Variants in ZBTB7C observed in about 807,000 individuals in gnomAD.
ZBTB7C encodes the protein zinc finger and BTB domain-containing protein 7C.
A neutral mutation model predicts 25.7 loss-of-function variants in ZBTB7C; 8 were observed. The ratio of observed to expected loss-of-function variants is 0.31; its 90% CI spans 0.18 to 0.56. The LOEUF is 0.56. ZBTB7C is among the 20% of genes least tolerant of loss of function. The pLI is 0.91. For synonymous variants in ZBTB7C, 394 were observed against 369.0 expected, an observed-to-expected ratio of 1.07 and a Z score of -0.78; for missense variants, 824 against 855.2, an observed-to-expected ratio of 0.96 and a Z score of 0.46.
At chr18:48,272,266 G>C (rs2044516448) in intron 2 of ZBTB7C, among the ~76,000 whole-genome samples, 1 of 152,162 alleles carries the variant, frequency 6.6e-6, no homozygotes, top group African/African-American at 2.4e-5. Context: ...AGGACAAAAG[G>C]GTGCAGGAAG....
intron 2 of ZBTB7C, among the ~76,000 whole-genome samples, chr18:48,302,753 G>A (rs1054263741): frequency 6.6e-6 from 1 of 152,156 alleles, no homozygotes; most frequent in South Asian, 2.1e-4. Context: ...GTCCATAGTT[G>A]ACTCCAGTCT....
intron 3 of ZBTB7C, among the ~76,000 whole-genome samples, chr18:48,123,230 C>T (rs904151592): frequency 2.6e-5 from 4 of 152,232 alleles, no homozygotes; most frequent in Admixed American, 2.6e-4. Flanking sequence ...ATAGGATATA[C>T]TTCCTCCCTC....
rs187472992 is a variant in ZBTB7C, at chr18:48,106,935, G to A, written c.-16-65812C>T. ...AAGGAGGTTCTATATACCAGGCTCAGCAAGCTCAGGCTGCCCAGAATTGTC... is the reference window on the plus strand; with the variant it reads ...AAGGAGGTTCTATATACCAGGCTCAACAAGCTCAGGCTGCCCAGAATTGTC... On this transcript the variant is annotated intron_variant, in intron 3 of 4. Coordinates refer to ENST00000590800, the MANE Select transcript of ZBTB7C (RefSeq NM_001318841.2). Among the ~76,000 whole-genome samples, 396 of 152,246 alleles carry A rather than the reference G, an allele frequency of 2.6e-3. 1 individual carries two copies. Among genetic ancestry groups the A allele is most frequent in the Non-Finnish European group, 2.7e-3 (184 of 68,020 alleles).
At chr18:48,358,164 A>G (rs2145083353) in intron 1 of ZBTB7C, among the ~76,000 whole-genome samples, 1 of 152,302 alleles carries the variant, frequency 6.6e-6, no homozygotes, top group South Asian at 2.1e-4. Flanking sequence ...CAGCCTGGCC[A>G]ACAATGGTGA....
intron 2 of ZBTB7C, among the ~76,000 whole-genome samples, chr18:48,244,731 T>C (rs1436815372): frequency 2.0e-5 from 3 of 151,904 alleles, no homozygotes; most frequent in Non-Finnish European, 2.9e-5. Context: ...ATCAAAACTA[T>C]GATGCAATAC....
intron 3 of ZBTB7C, among the ~76,000 whole-genome samples, chr18:48,164,805 T>TAGATACA (rs2041186450): frequency 6.6e-6 from 1 of 152,162 alleles, no homozygotes; most frequent in Non-Finnish European, 1.5e-5. Flanking sequence ...AAGCACCTAC[T>TAGATACA]GTATACTAGA....
intron 3 of ZBTB7C, among the ~76,000 whole-genome samples, chr18:48,042,629 C>T (rs140857790): frequency 6.6e-6 from 1 of 152,236 alleles, no homozygotes; most frequent in East Asian, 1.9e-4. Flanking sequence ...GCTGGGTGCC[C>T]CTCCGCTGCC....
upstream of ZBTB7C, chr18:48,410,679 CT>C (rs1162818176): frequency 2.0e-5 from 3 of 152,578 alleles, no homozygotes; most frequent in Admixed American, 6.5e-5. Flanking sequence ...TGCCTCCTAC[CT>C]TTTTGCAGTC....
chr18:48,253,496 C>T (rs2043929913), intron 2 of ZBTB7C, among the ~76,000 whole-genome samples: 6 of 152,162 alleles, frequency 3.9e-5, no homozygotes, highest in Admixed American at 3.9e-4. Flanking sequence ...ATTGCCCAAA[C>T]TGTAGCCTTG....
intron 2 of ZBTB7C, among the ~76,000 whole-genome samples, chr18:48,189,018 G>A (rs75140290): frequency 0.014 from 2,056 of 152,270 alleles, 39 homozygotes; most frequent in African/African-American, 0.047. Flanking sequence ...GTCCCTGAAA[G>A]GAACCCTGAG....
chr18:48,275,002 C>G (rs1321315519), intron 2 of ZBTB7C, among the ~76,000 whole-genome samples: 1 of 152,230 alleles, frequency 6.6e-6, no homozygotes, highest in African/African-American at 2.4e-5. Context: ...GGGACTTACT[C>G]TGGGGGCTTC....
chr18:48,048,651 G>A, intron 3 of ZBTB7C, among the ~76,000 whole-genome samples: 1 of 152,200 alleles, frequency 6.6e-6, no homozygotes. Flanking sequence ...TAGCAATTGT[G>A]AAGTCCAGGA....
At chr18:48,162,013 CTG>C (rs1390379720) in intron 3 of ZBTB7C, among the ~76,000 whole-genome samples, 1 of 138,168 alleles carries the variant, frequency 7.2e-6, no homozygotes, top group African/African-American at 2.5e-5. Flanking sequence ...AGGCCGGCGC[CTG>C]CCCGGGCGGG....
At chr18:48,116,218 C>T (rs993060102) in intron 3 of ZBTB7C, among the ~76,000 whole-genome samples, 6 of 152,116 alleles carry the variant, frequency 3.9e-5, no homozygotes, top group African/African-American at 1.4e-4. Flanking sequence ...AGGCGAGGCT[C>T]GAGCCCAGAC....
chr18:48,290,556 T>C (rs993452081), intron 2 of ZBTB7C, among the ~76,000 whole-genome samples: 6 of 152,190 alleles, frequency 3.9e-5, no homozygotes, highest in Non-Finnish European at 5.9e-5. Context: ...TGCTCCCCTG[T>C]GGTGTTTTTG....
chr18:48,207,050 T>A lies in ZBTB7C; in HGVS notation c.-78-21055A>T, dbSNP rs2145227314. 2.0e-5 allele frequency among the ~76,000 whole-genome samples: 3 copies of A among 152,246 alleles called. No individual in the cohort carries two copies. In the South Asian group the frequency reaches 6.2e-4, roughly 32 times the overall value. ...ATAGGAAAATATTTGAATAGGCACT[T>A]CTCAAAAGAGGATATCGAAATGGTG... On this transcript the variant is annotated intron_variant, in intron 2 of 4. Coordinates refer to ENST00000590800, the MANE Select transcript of ZBTB7C (RefSeq NM_001318841.2).
chr18:48,043,115 A>C (rs2036323579), intron 3 of ZBTB7C, among the ~76,000 whole-genome samples: 1 of 152,236 alleles, frequency 6.6e-6, no homozygotes, highest in African/African-American at 2.4e-5. Flanking sequence ...TGTGGAGAAA[A>C]GGATCACTCG....
intron 2 of ZBTB7C, among the ~76,000 whole-genome samples, chr18:48,265,932 G>A (rs2044300931): frequency 6.6e-6 from 1 of 152,158 alleles, no homozygotes; most frequent in Non-Finnish European, 1.5e-5. Flanking sequence ...TTATGAAGCA[G>A]CAGCAAATCA....
At chr18:48,235,322 C>A in intron 2 of ZBTB7C, among the ~76,000 whole-genome samples, 1 of 152,036 alleles carries the variant, frequency 6.6e-6, no homozygotes, top group East Asian at 1.9e-4. Flanking sequence ...TCCATTTCTA[C>A]GTTTTAGTGC....
Sources: gnomAD v4.1 joint callset for allele counts (sites outside exome capture counted in the v4.1 genomes callset) on GRCh38, gnomAD v4.1.1 for gene constraint, MANE v1.5 for transcripts, NCBI Gene and HGNC (gene_info 2026-07-23, HGNC 2026-07-21) for gene names.